Variants in TUBGCP5 observed in about 807,000 individuals in gnomAD.
TUBGCP5 encodes the protein tubulin gamma complex component 5, also known as gamma-tubulin complex component 5.
Under a neutral mutation model 134.7 loss-of-function variants are expected in TUBGCP5, and 98 were observed. That is an observed-to-expected ratio of 0.73 (90% CI 0.62 to 0.86). The LOEUF (loss-of-function observed/expected upper bound fraction) is 0.86, where lower values mean the gene tolerates loss of function less well. Ranked by LOEUF, TUBGCP5 falls within the 40% of genes least tolerant of loss-of-function variation. The pLI is 0.00. For synonymous variants in TUBGCP5, 456 were observed against 431.4 expected (o/e 1.06, Z -0.71); for missense variants, 1,150 against 1,244.8 (o/e 0.92, Z 1.15).
chr15:22,998,573 C>T (rs1025491376), downstream of TUBGCP5, among the ~76,000 whole-genome samples: 6 of 152,102 alleles, frequency 3.9e-5, no homozygotes, highest in African/African-American at 9.7e-5. Context: ...ATCCTCCCAC[C>T]TCAGCCTCCC....
At chr15:22,994,186 C>G (rs1034808242), downstream of TUBGCP5, among the ~76,000 whole-genome samples, 1 of 152,062 alleles carries the variant, frequency 6.6e-6, no homozygotes. Context: ...CTCCTGGGTT[C>G]AAGAGATTCT....
At position 23,024,358 on chromosome 15, in the gene TUBGCP5, G is replaced by A. The variant is rs143985004; in HGVS notation, c.922-165C>T. The stretch of plus-strand genomic sequence containing the variant: ...AATATTTATAATTTTATACACAAAG[G>A]AAAAAGTGAACAATAATTTCAACAG... On this transcript the variant is annotated intron_variant, in intron 9 of 22. Coordinates refer to ENST00000615383, the MANE Select transcript of TUBGCP5 (RefSeq NM_052903.6). The A allele has an allele frequency of 7.8e-4, 538 of 693,424 alleles. 5 individuals carry two copies. The East Asian group carries it at 0.014, about 18-fold the overall frequency. The allele number at this position is 693,424 out of a possible 1,614,324, so 43.0% of individuals were successfully genotyped here.
At chr15:23,039,329 G>A (rs2140737922) in intron 1 of TUBGCP5, 69 bp downstream of exon 1, 1 of 1,250,664 alleles carries the variant, frequency 8.0e-7, no homozygotes, top group Non-Finnish European at 1.0e-6. Context: ...CCCGACCCCG[G>A]GCTGTGCGGG....
chr15:23,003,464 T>C (rs1345701409), intron 20 of TUBGCP5, among the ~76,000 whole-genome samples: 1 of 152,176 alleles, frequency 6.6e-6, no homozygotes, highest in Non-Finnish European at 1.5e-5. Flanking sequence ...GGTTTTAACA[T>C]TACTGAATTC....
rs1567150388 is a variant in TUBGCP5 at position 23,024,841 on chromosome 15, AT to A, written c.828-12del. 1.4e-6 allele frequency: 2 copies of A among 1,480,394 alleles called. No homozygotes were observed. The highest frequency in any genetic ancestry group is 1.7e-4 in the Middle Eastern group (1 of 5,806). 91.7% of individuals were successfully genotyped at this position (1,480,394 alleles called of 1,614,324 possible). On this transcript the variant is annotated splice_polypyrimidine_tract_variant and intron_variant, in intron 8 of 22. Coordinates refer to ENST00000615383, the MANE Select transcript of TUBGCP5 (RefSeq NM_052903.6). ...ACTCCTGAAAGTAACCTGAAATGAGATTAAAAAAAGACGAGTGTACTTTAAG... is the reference window on the plus strand; with the variant it reads ...ACTCCTGAAAGTAACCTGAAATGAGATAAAAAAAGACGAGTGTACTTTAAG...
In TUBGCP5 at chr15:23,013,148, T is replaced by A. The variant is rs2065130633; in HGVS notation, c.1757-1817A>T. On this transcript the variant is annotated intron_variant, in intron 13 of 22. Coordinates refer to ENST00000615383, the MANE Select transcript of TUBGCP5 (RefSeq NM_052903.6). This position sits in a 1 kb window ranked among gnomAD's most constrained non-coding sequence, Gnocchi z 4.5. ...AGCAAGAGAGGACCAAAGCAACGAA[T>A]CAACAGTTAAGATCCGACTGGAGGC... 6.6e-6 allele frequency among the ~76,000 whole-genome samples: 1 copy of A among 151,524 alleles called. No homozygotes were observed. Among genetic ancestry groups the A allele is most frequent in the Non-Finnish European group, 1.5e-5 (1 of 67,926 alleles).
At chr15:23,036,800 T>G (rs2066614918) in intron 3 of TUBGCP5, 97 bp downstream of exon 3, 1 of 893,652 alleles carries the variant, frequency 1.1e-6, no homozygotes, top group African/African-American at 1.7e-5. Context: ...TAGATAATAC[T>G]AAAATAGAAT....
rs749945723 is a variant in TUBGCP5, at chr15:23,010,014, T to C, written c.2075A>G (p.Tyr692Cys). ...TAGATACTGCTTGTCAATATGAGGA[T>C]AGAGGCAGGATCTCAGCGTTAATTC... ...TFELTLRSCL[Y>C]PHIDKQYLDC... The change falls in exon 15 of 23, where the codon TAT (tyrosine) becomes TGT (cysteine). Residue 692 changes from tyrosine to cysteine, a missense_variant. Tyr to Cys is a radical substitution (Grantham distance 194). This residue lies in a region of TUBGCP5 where 697 missense variants were observed against 850.1 expected (regional missense o/e 0.82). Coordinates refer to ENST00000615383, the MANE Select transcript of TUBGCP5 (RefSeq NM_052903.6). The C allele has an allele frequency of 3.1e-6, 5 of 1,614,050 alleles. No individual in the cohort carries two copies. In the South Asian group the frequency reaches 4.4e-5, roughly 14 times the overall value.
intron 21 of TUBGCP5, 101 bp from the exon 22 acceptor site, chr15:23,000,770 T>C: frequency 1.2e-6 from 1 of 847,764 alleles, no homozygotes; most frequent in East Asian, 2.7e-5. Context: ...TTGGTTTAAT[T>C]ATTTAAAATC....
intron 14 of TUBGCP5, among the ~76,000 whole-genome samples, 178 bp downstream of exon 14, chr15:23,010,955 T>TGG (rs1481110612): frequency 6.7e-6 from 1 of 149,402 alleles, no homozygotes; most frequent in Non-Finnish European, 1.5e-5. Flanking sequence ...CACTCCAGCC[T>TGG]GGGTGACAGA....
Position 23,024,149 on chromosome 15 carries a change from C to G in TUBGCP5, c.966G>C (p.Gln322His). Residue 322 changes from glutamine to histidine, a missense_variant, in exon 10 of 23, where the codon CAG (glutamine) becomes CAC (histidine). Physicochemically the swap from Gln to His is conservative, Grantham distance 24. This residue lies in a region of TUBGCP5 where 453 missense variants were observed against 394.7 expected (regional missense o/e 1.15). Transcript: ENST00000615383. ...SVLEQIAAYGQVVFRLQEFID... is the reference protein window; with the variant it reads ...SVLEQIAAYGHVVFRLQEFID... The stretch of plus-strand genomic sequence containing the variant: ...TGAACTCCTGGAGTCGAAACACAAC[C>G]TGGCCATATGCTGCTATTTGTTCCA... 1 of 1,614,156 alleles carries G rather than the reference C, an allele frequency of 6.2e-7. No individual in the cohort carries two copies. Among genetic ancestry groups the G allele is most frequent in the Non-Finnish European group, 8.5e-7 (1 of 1,180,024 alleles).
chr15:22,991,981 G>A (rs1173829712), intron 23 of TUBGCP5, among the ~76,000 whole-genome samples: 1 of 152,158 alleles, frequency 6.6e-6, no homozygotes, highest in Non-Finnish European at 1.5e-5. Context: ...GTACCGGACA[G>A]CAAAGGAGGC....
downstream of TUBGCP5, among the ~76,000 whole-genome samples, chr15:22,998,979 T>TA (rs978964503): frequency 2.6e-5 from 4 of 152,104 alleles, no homozygotes; most frequent in Non-Finnish European, 5.9e-5. Context: ...AGGCAGGTCT[T>TA]AAACTGCTGG....
In TUBGCP5 at chr15:23,022,034, C is replaced by A. The variant is rs373899448; in HGVS notation, c.1296G>T (p.Arg432=). The change falls in exon 11 of 23, where the codon CGG becomes CGT. Residue 432 remains arginine (R), a synonymous_variant. Transcript: ENST00000615383. The part of the protein sequence containing the change: ...EVPPDTRNVV[R]ASHLLNTLYK... ...ACAGGGTGTTAAGCAGGTGAGAGGCCCGGACGACATTTCGAGTATCAGGTG... is the reference window on the plus strand; with the variant it reads ...ACAGGGTGTTAAGCAGGTGAGAGGCACGGACGACATTTCGAGTATCAGGTG... 101 of 1,613,910 alleles carry A rather than the reference C, an allele frequency of 6.3e-5. 1 individual carries two copies. Among genetic ancestry groups the A allele is most frequent in the Non-Finnish European group, 8.3e-5 (98 of 1,180,024 alleles).
rs564276045 is a variant in TUBGCP5, at chr15:23,010,230, G to C, written c.1956-97C>G. The C allele has an allele frequency of 5.4e-6, 7 of 1,289,254 alleles. No individual in the cohort carries two copies. The Admixed American group carries it at 1.5e-4, about 29-fold the overall frequency. 79.9% of individuals were successfully genotyped at this position (1,289,254 alleles called of 1,614,324 possible). On this transcript the variant is annotated intron_variant, in intron 14 of 22. Transcript: ENST00000615383. Reference sequence around the variant, plus strand: ...AAGTTCCATTTTTACCTTTAGTCTTGAAGTTACCAACTATTACAGAAAGAG... The same window carrying C: ...AAGTTCCATTTTTACCTTTAGTCTTCAAGTTACCAACTATTACAGAAAGAG...
chr15:23,021,857 C>T (rs1310967040), intron 11 of TUBGCP5, 102 bp downstream of exon 11: 24 of 1,255,818 alleles, frequency 1.9e-5, no homozygotes, highest in Middle Eastern at 2.6e-4. Flanking sequence ...AACTGTCTGA[C>T]GAGTCATCAT....
chr15:23,015,923 A>T (rs1275841961), intron 13 of TUBGCP5, among the ~76,000 whole-genome samples: 1 of 152,224 alleles, frequency 6.6e-6, no homozygotes, highest in East Asian at 1.9e-4. Flanking sequence ...AGATGTGTAG[A>T]AATCAATGTA....
chr15:23,016,085 C>T (rs755134544), intron 13 of TUBGCP5, among the ~76,000 whole-genome samples: 1 of 152,066 alleles, frequency 6.6e-6, no homozygotes, highest in South Asian at 2.1e-4. Context: ...CAAGAGAACT[C>T]GGTGAGATAC....
At chr15:23,030,627 T>C (rs1018459086) in intron 6 of TUBGCP5, among the ~76,000 whole-genome samples, 4 of 140,484 alleles carry the variant, frequency 2.8e-5, no homozygotes, top group Non-Finnish European at 4.6e-5. Flanking sequence ...AAAGGAAACA[T>C]TTACAGCTGA....
Sources: gnomAD v4.1 joint callset for allele counts (sites outside exome capture counted in the v4.1 genomes callset) on GRCh38, gnomAD v4.1.1 for gene constraint, gnomAD v4.1.1 regional missense constraint, Gnocchi (gnomAD v3.1) non-coding constraint, MANE v1.5 for transcripts, NCBI Gene and HGNC (gene_info 2026-07-23, HGNC 2026-07-21) for gene names.